The following INTS13 variants were observed in gnomAD, a reference collection of about 807,000 sequenced individuals.
INTS13 encodes integrator complex subunit 13.
INTS13 carries 35 observed loss-of-function variants against 90.2 expected under a neutral mutation model. The observed-to-expected ratio is 0.39, with a 90% CI of 0.30 to 0.51. INTS13 has a LOEUF of 0.51. INTS13 is among the 20% of genes least tolerant of loss of function. The probability of loss-of-function intolerance (pLI) is 0.80; values close to 1 mark genes in which losing one functional copy is unlikely to be tolerated. For missense variants in INTS13, 601 were observed against 851.2 expected (o/e 0.71, Z 3.66); for synonymous variants, 309 against 277.1 (o/e 1.11, Z -1.14).
At chr12:26,929,845 AGAGG>A (rs1938096379) in intron 3 of INTS13, among the ~76,000 whole-genome samples, 1 of 151,976 alleles carries the variant, frequency 6.6e-6, no homozygotes, top group Admixed American at 6.6e-5. Flanking sequence ...AGAGAGAGAG[AGAGG>A]ATGGACAGAA....
intron 14 of INTS13, among the ~76,000 whole-genome samples, chr12:26,912,803 C>T (rs1406392045): frequency 6.6e-6 from 1 of 151,800 alleles, no homozygotes; most frequent in Non-Finnish European, 1.5e-5. Flanking sequence ...TCTCGGCTCA[C>T]AGCAACCTCT....
rs1565813972 is a variant in INTS13 at position 26,906,456 on chromosome 12, G to GGA, written c.1946-21_1946-20dup. 1 of 1,582,216 alleles carries GGA rather than the reference G, an allele frequency of 6.3e-7. No individual in the cohort carries two copies. Among genetic ancestry groups the GGA allele is most frequent in the East Asian group, 2.2e-5 (1 of 44,596 alleles). ...ACTGGCCCTAGTGTTATATTTAAAA[G>GGA]GAGAGAGAAAAAAAAGATAGAATAA... On this transcript the variant is annotated intron_variant, in intron 15 of 16. Coordinates refer to ENST00000261191, the MANE Select transcript of INTS13 (RefSeq NM_018164.3).
intron 16 of INTS13, 137 bp from the exon 17 acceptor site, chr12:26,905,673 C>T (rs1592189897): frequency 1.2e-6 from 1 of 829,062 alleles, no homozygotes; most frequent in Non-Finnish European, 1.8e-6. Context: ...GGACTAACAT[C>T]AGGGTTCCTC....
chr12:26,917,872 C>T lies in INTS13; in HGVS notation c.890-139G>A, dbSNP rs144691084. 2,742 of 632,640 alleles carry T rather than the reference C, an allele frequency of 4.3e-3. 71 individuals carry two copies. The African/African-American group carries it at 0.047, about 11-fold the overall frequency. The allele number at this position is 632,640 out of a possible 1,614,324, so 39.2% of individuals were successfully genotyped here. Reference sequence around the variant, plus strand: ...GGTGCAGTGGCTCATGCCTGTAATCCCAGCACTTTGGGAGGCTGAGGCAGG... The same window carrying T: ...GGTGCAGTGGCTCATGCCTGTAATCTCAGCACTTTGGGAGGCTGAGGCAGG... On this transcript the variant is annotated intron_variant, in intron 8 of 16. Transcript: ENST00000261191.
intron 3 of INTS13, among the ~76,000 whole-genome samples, chr12:26,932,714 CTCTCCCG>C (rs1037541465): frequency 8.5e-5 from 13 of 152,170 alleles, no homozygotes. Flanking sequence ...TAAACTTACC[CTCTCCCG>C]TCTCCCAGAG....
At chr12:26,937,495 CT>C (rs1938532595) in intron 1 of INTS13, among the ~76,000 whole-genome samples, 1 of 152,220 alleles carries the variant, frequency 6.6e-6, no homozygotes, top group African/African-American at 2.4e-5. Context: ...AAATTTAAAA[CT>C]TTTAAAACTT....
chr12:26,917,441 T>C lies in INTS13; in HGVS notation c.980A>G (p.Glu327Gly), dbSNP rs965438989. 11 of 1,499,208 alleles carry C rather than the reference T, an allele frequency of 7.3e-6. No individual in the cohort carries two copies. The highest frequency in any genetic ancestry group is 8.2e-6 in the Non-Finnish European group (9 of 1,092,422). 92.9% of individuals were successfully genotyped at this position (1,499,208 alleles called of 1,614,324 possible). ...KWCTPRTNNI[E>G]LHYCTGAYRI... ...ATAAGCTCCAGTACAATAGTGTAAT[T>C]CTGAAATAGAAGAAAACACTGATTT... The change falls in exon 10 of 17, where the codon GAA becomes GGA. Residue 327 changes from glutamate to glycine, a missense_variant and splice_region_variant. This residue lies in a region of INTS13 where 89 missense variants were observed against 191.0 expected (regional missense o/e 0.47). Transcript: ENST00000261191.
At chr12:26,923,395 C>A (rs1261955687) in intron 7 of INTS13, among the ~76,000 whole-genome samples, 1 of 152,018 alleles carries the variant, frequency 6.6e-6, no homozygotes, top group East Asian at 1.9e-4. Flanking sequence ...GAAAAACCGG[C>A]CAATGGCATT....
chr12:26,932,663 T>C (rs769069872), intron 3 of INTS13, among the ~76,000 whole-genome samples: 1 of 152,242 alleles, frequency 6.6e-6, no homozygotes, highest in Non-Finnish European at 1.5e-5. Flanking sequence ...TGAGGCTTAC[T>C]GTGCATCTGA....
Position 26,928,244 on chromosome 12 carries a change from G to C in INTS13, c.545C>G (p.Thr182Arg). 1 of 1,609,894 alleles carries C rather than the reference G, an allele frequency of 6.2e-7. No homozygotes were observed. The highest frequency in any genetic ancestry group is 8.5e-7 in the Non-Finnish European group (1 of 1,176,920). The change falls in exon 5 of 17, where the codon ACG becomes AGG. Residue 182 changes from threonine to arginine, a missense_variant. Physicochemically the swap from Thr to Arg is moderately conservative, Grantham distance 71 (BLOSUM62 -1). Around this residue, in one of 3 missense-constraint regions of INTS13, gnomAD observed 284 missense variants for 387.7 expected, o/e 0.73. Transcript: ENST00000261191. ...AGCAAGCTTGTTATGTTCATGAATC[G>C]TTTCCTGGACACAGTCTTCAAGCAT... ...VRMLEDCVQE[T>R]IHEHNKLAAN... is the part of the protein sequence containing the mutation.
chr12:26,915,045 G>T (rs7976064), intron 11 of INTS13, among the ~76,000 whole-genome samples: 1 of 151,824 alleles, frequency 6.6e-6, no homozygotes, highest in Non-Finnish European at 1.5e-5. Context: ...TGGCCAACAT[G>T]GTGAAACCCC....
Position 26,914,136 on chromosome 12 carries a change from AT to A in INTS13, c.1420-9del, listed in dbSNP as rs781740886. ...ACTGGCTAATGGAACTACCTGTTAG[AT>A]TTTTTTTAAAGAAAAAAGAAAATCT... On this transcript the variant is annotated splice_polypyrimidine_tract_variant and intron_variant, in intron 12 of 16. Transcript: ENST00000261191. 13 of 1,555,808 alleles carry A rather than the reference AT, an allele frequency of 8.4e-6. No homozygotes were observed. The highest frequency in any genetic ancestry group is 1.2e-5 in the South Asian group (1 of 80,812).
Position 26,905,334 on chromosome 12 carries a change from T to C in INTS13, c.*163A>G. The C allele has an allele frequency of 1.7e-6, 1 of 604,718 alleles. No individual in the cohort carries two copies. Among genetic ancestry groups the C allele is most frequent in the East Asian group, 3.2e-5 (1 of 31,312 alleles). The allele number at this position is 604,718 out of a possible 1,614,324, so 37.5% of individuals were successfully genotyped here. A position where few individuals can be genotyped will look rare whatever the true frequency, so the allele number is the denominator to read the frequency against. ...CTCAAATGTATATTTTTGAATTATGTGCCAATTTTATAATTAGTACAAAAA... is the reference window on the plus strand; with the variant it reads ...CTCAAATGTATATTTTTGAATTATGCGCCAATTTTATAATTAGTACAAAAA... On this transcript the variant is annotated 3_prime_UTR_variant, in exon 17 of 17. Coordinates refer to ENST00000261191, the MANE Select transcript of INTS13 (RefSeq NM_018164.3).
At chr12:26,930,994 C>G (rs1239203503) in intron 3 of INTS13, among the ~76,000 whole-genome samples, 1 of 152,116 alleles carries the variant, frequency 6.6e-6, no homozygotes. Flanking sequence ...TGAATTACCT[C>G]AAAAGAATGA....
At chr12:26,906,463 GA>G (rs745499188) in intron 15 of INTS13, 26 bp from the exon 16 acceptor site, 14 of 1,569,630 alleles carry the variant, frequency 8.9e-6, no homozygotes, top group Admixed American at 6.1e-5. Flanking sequence ...AAAGGAGAGA[GA>G]AAAAAAAGAT....
intron 11 of INTS13, among the ~76,000 whole-genome samples, 154 bp downstream of exon 11, chr12:26,915,848 C>T (rs1420563626): frequency 1.3e-5 from 2 of 152,086 alleles, no homozygotes; most frequent in Non-Finnish European, 2.9e-5. Flanking sequence ...AATTTTTGAG[C>T]AAATATTGCA....
At position 26,906,605 on chromosome 12, in the gene INTS13, T is replaced by C. The variant is rs183924219; in HGVS notation, c.1946-168A>G. On this transcript the variant is annotated intron_variant, in intron 15 of 16. Transcript: ENST00000261191. The stretch of plus-strand genomic sequence containing the variant: ...ATTAAGGCAATCATTTTCCTCTTAC[T>C]CTAAAATTTATGTGTTTCAGGGTCC... 1.0e-4 allele frequency: 73 copies of C among 707,486 alleles called. 1 individual carries two copies. The East Asian group carries it at 2.1e-3, about 20-fold the overall frequency. 43.8% of individuals were successfully genotyped at this position (707,486 alleles called of 1,614,324 possible).
chr12:26,920,905 C>T (rs1246379422), intron 8 of INTS13, among the ~76,000 whole-genome samples: 3 of 152,126 alleles, frequency 2.0e-5, no homozygotes. Flanking sequence ...TCACAATTGG[C>T]TCATGATTAT....
intron 8 of INTS13, among the ~76,000 whole-genome samples, chr12:26,920,127 CAA>C (rs34416699): frequency 7.4e-6 from 1 of 134,554 alleles, no homozygotes. Flanking sequence ...GACTCTGTCT[CAA>C]AAAAAAAAAA....
Sources: allele counts gnomAD v4.1 joint callset (sites outside exome capture counted in the v4.1 genomes callset), GRCh38; gene constraint gnomAD v4.1.1; regional missense constraint gnomAD v4.1.1; transcripts MANE v1.5; gene names NCBI Gene and HGNC (gene_info 2026-07-23, HGNC 2026-07-21).